The following VSTM1 variants were observed in gnomAD, a reference collection of about 807,000 sequenced individuals.
VSTM1 encodes V-set and transmembrane domain containing 1.
VSTM1 carries 27 observed loss-of-function variants against 33.1 expected under a neutral mutation model. That is an observed-to-expected ratio of 0.82 (90% confidence interval 0.60 to 1.12). The LOEUF (loss-of-function observed/expected upper bound fraction) is 1.12, where lower values mean the gene tolerates loss of function less well. Ranked by LOEUF, VSTM1 falls within the 50% of genes most tolerant of loss-of-function variation. The pLI, the probability that VSTM1 is intolerant of heterozygous loss-of-function variation, is 0.00. For missense variants in VSTM1, 304 were observed against 288.9 expected (o/e 1.05, Z -0.38); for synonymous variants, 115 against 110.3 (o/e 1.04, Z -0.27).
intron 3 of VSTM1, 68 bp from the exon 4 acceptor site, chr19:54,051,516 A>AC: frequency 7.8e-7 from 1 of 1,281,458 alleles, no homozygotes; most frequent in East Asian, 2.5e-5. Flanking sequence ...AGGAGTCCTC[A>AC]CGTCCTACTT....
intron 4 of VSTM1, among the ~76,000 whole-genome samples, chr19:54,049,190 C>T (rs1452624822): frequency 6.6e-6 from 1 of 152,160 alleles, no homozygotes; most frequent in Non-Finnish European, 1.5e-5. Flanking sequence ...TTGATGCATG[C>T]TACAGTACAG....
rs139156562 is a variant in VSTM1 at position 54,062,462 on chromosome 19, C to T, written c.34+1282G>A. On this transcript the variant is annotated intron_variant, in intron 1 of 8. Coordinates refer to ENST00000338372, the MANE Select transcript of VSTM1 (RefSeq NM_198481.4). ...AAATAGCCGGGTGCAGTGGCTCACA[C>T]CTGTAATCCCAGCACTTTAGGAGGT... 7.2e-3 allele frequency among the ~76,000 whole-genome samples: 1,096 copies of T among 152,208 alleles called. 11 individuals are homozygous for T. Among genetic ancestry groups the T allele is most frequent in the African/African-American group, 0.025 (1,020 of 41,532 alleles).
chr19:54,047,565 A>G (rs1002055037), intron 4 of VSTM1, among the ~76,000 whole-genome samples: 1 of 152,140 alleles, frequency 6.6e-6, no homozygotes, highest in South Asian at 2.1e-4. Flanking sequence ...AAGTGCTGGG[A>G]TTACATAAGC....
At chr19:54,046,126 C>T (rs1286158062) in intron 4 of VSTM1, among the ~76,000 whole-genome samples, 4 of 152,122 alleles carry the variant, frequency 2.6e-5, no homozygotes, top group Admixed American at 6.6e-5. Flanking sequence ...AGCTACTTAT[C>T]TACCTATCAT....
chr19:54,054,783 G>GGTAGGTAGGTA (rs1266919192), intron 3 of VSTM1, among the ~76,000 whole-genome samples: 6 of 138,388 alleles, frequency 4.3e-5, no homozygotes, highest in African/African-American at 1.6e-4. Context: ...GTAGATAGAT[G>GGTAGGTAGGTA]GATGAAGGGG....
At chr19:54,051,382 A>G in intron 4 of VSTM1, 28 bp downstream of exon 4, 2 of 1,590,856 alleles carry the variant, frequency 1.3e-6, no homozygotes, top group African/African-American at 2.7e-5. Flanking sequence ...TCTCATTGGG[A>G]AAAACATCTC....
chr19:54,063,592 C>T (rs1202072103), intron 1 of VSTM1, 152 bp downstream of exon 1: 2 of 901,612 alleles, frequency 2.2e-6, no homozygotes, highest in African/African-American at 1.7e-5. Flanking sequence ...GGCGGCAGAA[C>T]TCACAGAACC....
rs1352806867 is a variant in VSTM1, at chr19:54,058,421, T to C, written c.240A>G (p.Glu80=). Residue 80 remains glutamate (E), a synonymous_variant, in exon 3 of 9, where the codon GAA becomes GAG. Coordinates refer to ENST00000338372, the MANE Select transcript of VSTM1 (RefSeq NM_198481.4). ...TAGGCTTCAGGTCCGTGAAGGGGAA[T>C]TCAGCTTCGTTTTCTGCCGAGCTCT... ...QEQSSAENEA[E]FPFTDLKPKD... The C allele has an allele frequency of 1.9e-6, 3 of 1,613,990 alleles. No homozygotes were observed. The African/African-American group carries it at 4.0e-5, about 22-fold the overall frequency.
intron 3 of VSTM1, among the ~76,000 whole-genome samples, chr19:54,056,045 A>G (rs79630498): frequency 0.24 from 33,100 of 138,718 alleles, 8,032 homozygotes; most frequent in Middle Eastern, 0.35. Context: ...CAATAGATCC[A>G]GAGCCCATAC....
At chr19:54,045,092 C>T (rs1042667739) in intron 4 of VSTM1, among the ~76,000 whole-genome samples, 2 of 152,158 alleles carry the variant, frequency 1.3e-5, no homozygotes, top group African/African-American at 2.4e-5. Context: ...ATGCTTCACA[C>T]GCCTGGTCCT....
chr19:54,060,587 C>T (rs895040941), intron 1 of VSTM1, among the ~76,000 whole-genome samples: 1 of 152,120 alleles, frequency 6.6e-6, no homozygotes, highest in Non-Finnish European at 1.5e-5. Flanking sequence ...GCAGGGCATC[C>T]CAGGACTCAG....
intron 1 of VSTM1, among the ~76,000 whole-genome samples, chr19:54,062,329 T>G (rs561264134): frequency 2.0e-5 from 3 of 152,154 alleles, no homozygotes; most frequent in Non-Finnish European, 4.4e-5. Flanking sequence ...CTTGTAGTAC[T>G]TTGGTATGGC....
chr19:54,061,211 T>A (rs2071381972), intron 1 of VSTM1, among the ~76,000 whole-genome samples: 2 of 151,614 alleles, frequency 1.3e-5, no homozygotes, highest in Admixed American at 1.3e-4. Flanking sequence ...AGAGACGGGG[T>A]TTCACCATGT....
At chr19:54,042,464 C>G in intron 4 of VSTM1, 95 bp from the exon 5 acceptor site, 1 of 1,488,108 alleles carries the variant, frequency 6.7e-7, no homozygotes, top group Non-Finnish European at 8.9e-7. Flanking sequence ...GACAGATGGC[C>G]TGGCTTCCAA....
At chr19:54,042,858 A>C (rs1345195112) in intron 4 of VSTM1, among the ~76,000 whole-genome samples, 7 of 137,356 alleles carry the variant, frequency 5.1e-5, no homozygotes, top group South Asian at 2.2e-4. Context: ...ATATATATAC[A>C]CACTTTTTTT....
chr19:54,050,854 T>C (rs2070803888), intron 4 of VSTM1, among the ~76,000 whole-genome samples: 1 of 150,852 alleles, frequency 6.6e-6, no homozygotes, highest in Non-Finnish European at 1.5e-5. Flanking sequence ...GAGCTGGATA[T>C]GGTGGTGGGT....
At chr19:54,041,663 A>G in intron 8 of VSTM1, 116 bp downstream of exon 8, 1 of 1,187,938 alleles carries the variant, frequency 8.4e-7, no homozygotes. Context: ...GACTTGTCTA[A>G]GACCACATGC....
chr19:54,062,848 C>A (rs1037286137), intron 1 of VSTM1, among the ~76,000 whole-genome samples: 1 of 152,114 alleles, frequency 6.6e-6, no homozygotes, highest in Non-Finnish European at 1.5e-5. Flanking sequence ...CGATGTCCAC[C>A]GCACCCCCCG....
intron 3 of VSTM1, among the ~76,000 whole-genome samples, chr19:54,054,098 A>G (rs1568469808): frequency 7.0e-6 from 1 of 142,084 alleles, no homozygotes; most frequent in East Asian, 2.0e-4. Flanking sequence ...AAAAAGTAGT[A>G]TAATAAAGTG....
Sources: allele counts gnomAD v4.1 joint callset (sites outside exome capture counted in the v4.1 genomes callset), GRCh38; gene constraint gnomAD v4.1.1; transcripts MANE v1.5; gene names NCBI Gene and HGNC (gene_info 2026-07-23, HGNC 2026-07-21).